Variants in TMEM87A observed in about 807,000 individuals in gnomAD.
TMEM87A encodes Golgi-pH regulating cation channel.
TMEM87A carries 50 observed loss-of-function variants against 90.0 expected under a neutral mutation model. The ratio of observed to expected loss-of-function variants is 0.56; its 90% confidence interval spans 0.44 to 0.70. The LOEUF (loss-of-function observed/expected upper bound fraction) is 0.70. Among genes scored for constraint, TMEM87A ranks in the 30% least tolerant of loss-of-function variants. The probability of loss-of-function intolerance (pLI) is 0.00; values close to 1 mark genes in which losing one functional copy is unlikely to be tolerated. For missense variants in TMEM87A, 577 were observed against 660.5 expected, an observed-to-expected ratio of 0.87 and a Z score of 1.39; for synonymous variants, 226 against 226.7, an observed-to-expected ratio of 1.00 and a Z score of 0.03.
At chr15:42,217,750 C>G in intron 19 of TMEM87A, 53 bp downstream of exon 19, 1 of 1,568,300 alleles carries the variant, frequency 6.4e-7, no homozygotes, top group Non-Finnish European at 8.7e-7. Context: ...CGATTCATGA[C>G]TTTCTATTTA....
At chr15:42,246,755 C>T (rs537982332) in intron 6 of TMEM87A, among the ~76,000 whole-genome samples, 2 of 152,150 alleles carry the variant, frequency 1.3e-5, no homozygotes, top group Admixed American at 6.5e-5. Flanking sequence ...AATAAACATA[C>T]GTGTGCATGT....
At chr15:42,264,309 G>A in intron 3 of TMEM87A, 106 bp from the exon 4 acceptor site, 1 of 706,974 alleles carries the variant, frequency 1.4e-6, no homozygotes, top group Non-Finnish European at 2.4e-6. Flanking sequence ...ACAATTTTGA[G>A]TTTGCTATTT....
chr15:42,248,052 T>C (rs2051011770), intron 6 of TMEM87A, among the ~76,000 whole-genome samples: 1 of 152,194 alleles, frequency 6.6e-6, no homozygotes, highest in Admixed American at 6.5e-5. Flanking sequence ...GTAGCAATTG[T>C]GAATGGGAGT....
At chr15:42,237,357 T>A in intron 9 of TMEM87A, 75 bp downstream of exon 9, 2 of 1,468,594 alleles carry the variant, frequency 1.4e-6, no homozygotes, top group Non-Finnish European at 1.9e-6. Context: ...ATGTAGTGAC[T>A]GCTGACCTTA....
chr15:42,235,234 T>C (rs2050750132), intron 10 of TMEM87A, among the ~76,000 whole-genome samples: 1 of 152,202 alleles, frequency 6.6e-6, no homozygotes, highest in Non-Finnish European at 1.5e-5. Context: ...ACACAGGGTT[T>C]CACTGTGTTG....
intron 6 of TMEM87A, among the ~76,000 whole-genome samples, chr15:42,253,141 C>T (rs139309699): frequency 6.6e-6 from 1 of 152,186 alleles, no homozygotes; most frequent in Non-Finnish European, 1.5e-5. Context: ...AGTCTTTGCA[C>T]CCTGGCGCAA....
At chr15:42,237,208 T>C (rs2050785310) in intron 9 of TMEM87A, among the ~76,000 whole-genome samples, 1 of 152,234 alleles carries the variant, frequency 6.6e-6, no homozygotes, top group African/African-American at 2.4e-5. Context: ...AAATGGTCAC[T>C]ACTGTTGTGA....
Position 42,273,109 on chromosome 15 carries a change from G to A in TMEM87A, c.144+146C>T, listed in dbSNP as rs772973569. 151 of 978,584 alleles carry A rather than the reference G, an allele frequency of 1.5e-4. 1 individual carries two copies. Among genetic ancestry groups the A allele is most frequent in the Non-Finnish European group, 2.1e-4 (136 of 660,768 alleles). The allele number at this position is 978,584 out of a possible 1,614,324, so 60.6% of individuals were successfully genotyped here. The stretch of plus-strand genomic sequence containing the variant: ...CGCGGCTTTCCACTCCAGGGAGGTG[G>A]GTCCCAGTTGGCTAGCCACACAGAC... On this transcript the variant is annotated intron_variant, in intron 1 of 19. Transcript: ENST00000389834.
At chr15:42,215,458 G>A (rs1258126305) in intron 19 of TMEM87A, among the ~76,000 whole-genome samples, 1 of 152,152 alleles carries the variant, frequency 6.6e-6, no homozygotes, top group Non-Finnish European at 1.5e-5. Flanking sequence ...TCATATATGT[G>A]GTCCGTTGCT....
chr15:42,246,455 CCGA>C (rs2050974303), intron 6 of TMEM87A, among the ~76,000 whole-genome samples: 1 of 152,080 alleles, frequency 6.6e-6, no homozygotes, highest in Non-Finnish European at 1.5e-5. Flanking sequence ...AGCCCCCGAC[CCGA>C]CGACAGGCCC....
At chr15:42,266,538 T>C (rs1032808660) in intron 3 of TMEM87A, among the ~76,000 whole-genome samples, 2 of 151,578 alleles carry the variant, frequency 1.3e-5, no homozygotes, top group Non-Finnish European at 2.9e-5. Flanking sequence ...ACTATTTTCA[T>C]AATAATAATA....
chr15:42,233,387 T>A, intron 10 of TMEM87A, 81 bp from the exon 11 acceptor site: 1 of 1,013,566 alleles, frequency 9.9e-7, no homozygotes, highest in Non-Finnish European at 1.5e-6. Flanking sequence ...TTGTGTTAAT[T>A]AATATAGGCC....
chr15:42,265,189 C>A (rs920636727), intron 3 of TMEM87A, among the ~76,000 whole-genome samples: 3 of 152,026 alleles, frequency 2.0e-5, no homozygotes, highest in Non-Finnish European at 4.4e-5. Flanking sequence ...TATGTCTTTA[C>A]GGTAGAATGA....
At chr15:42,216,629 G>A (rs1393390978) in intron 19 of TMEM87A, among the ~76,000 whole-genome samples, 1 of 152,204 alleles carries the variant, frequency 6.6e-6, no homozygotes, top group Non-Finnish European at 1.5e-5. Flanking sequence ...AGAGGGAGAT[G>A]TGGGAACAGC....
upstream of TMEM87A, chr15:42,273,513 CTTGTT>C (rs926755000): frequency 2.7e-6 from 4 of 1,507,444 alleles, no homozygotes; most frequent in African/African-American, 4.1e-5. Context: ...CGTCGCGGAG[CTTGTT>C]TGCTGTGCGG....
chr15:42,228,067 A>C (rs989330978), intron 13 of TMEM87A, among the ~76,000 whole-genome samples: 5 of 152,182 alleles, frequency 3.3e-5, no homozygotes, highest in African/African-American at 7.2e-5. Context: ...AGGTATTGGA[A>C]ATATAGCTCT....
At chr15:42,273,207 C>G (rs1406333744) in intron 1 of TMEM87A, 48 bp downstream of exon 1, 9 of 1,608,512 alleles carry the variant, frequency 5.6e-6, no homozygotes, top group Non-Finnish European at 6.8e-6. Flanking sequence ...CGCCGTAGCC[C>G]CACCCCTTGC....
At chr15:42,256,898 T>C (rs937617471) in intron 6 of TMEM87A, among the ~76,000 whole-genome samples, 1 of 152,074 alleles carries the variant, frequency 6.6e-6, no homozygotes, top group South Asian at 2.1e-4. Flanking sequence ...TTCCATTTTT[T>C]GTAGAGACGA....
At chr15:42,261,405 A>G (rs2051288166) in intron 4 of TMEM87A, among the ~76,000 whole-genome samples, 156 bp from the exon 5 acceptor site, 1 of 152,198 alleles carries the variant, frequency 6.6e-6, no homozygotes, top group Admixed American at 6.5e-5. Context: ...CCAATTAACC[A>G]CAAACAAGTG....
Sources: allele counts gnomAD v4.1 joint callset (sites outside exome capture counted in the v4.1 genomes callset), GRCh38; gene constraint gnomAD v4.1.1; transcripts MANE v1.5; gene names NCBI Gene and HGNC (gene_info 2026-07-23, HGNC 2026-07-21).